Variants in CDH4 observed in about 807,000 individuals in gnomAD.
CDH4 encodes cadherin-4.
In CDH4, 33 loss-of-function variants were observed where a neutral mutation model predicts 86.0. The observed-to-expected ratio is 0.38, with a 90% CI of 0.29 to 0.51. CDH4 has a LOEUF of 0.51. Among genes scored for constraint, CDH4 ranks in the 20% least tolerant of loss-of-function variants. CDH4 has a pLI of 0.86. For missense variants in CDH4, 1,114 were observed against 1,307.4 expected (o/e 0.85, Z 2.28); for synonymous variants, 555 against 549.4 (o/e 1.01, Z -0.14).
chr20:61,707,518 T>C (rs1464587956), intron 2 of CDH4, among the ~76,000 whole-genome samples: 1 of 152,208 alleles, frequency 6.6e-6, no homozygotes, highest in Non-Finnish European at 1.5e-5. Context: ...AATCCTTACC[T>C]GCCTAGAGCT....
intron 3 of CDH4, among the ~76,000 whole-genome samples, chr20:61,763,474 G>A (rs1600961408): frequency 6.6e-6 from 1 of 152,344 alleles, no homozygotes; most frequent in East Asian, 1.9e-4. Flanking sequence ...TGCGGAGCCG[G>A]TGCTCAGTTC....
chr20:61,364,166 C>T (rs1291367758), intron 2 of CDH4, among the ~76,000 whole-genome samples: 3 of 152,226 alleles, frequency 2.0e-5, no homozygotes, highest in Non-Finnish European at 4.4e-5. Flanking sequence ...GCTCTCTCTA[C>T]CCCAGCTCAG....
At chr20:61,660,891 C>G (rs1308612723) in intron 2 of CDH4, among the ~76,000 whole-genome samples, 1 of 152,062 alleles carries the variant, frequency 6.6e-6, no homozygotes, top group Non-Finnish European at 1.5e-5. Flanking sequence ...CCTGGGCAGC[C>G]TTACCGGGAC....
rs184546707 is a variant in CDH4, at chr20:61,856,724, A to C, written c.877+3826A>C. ...CATGAAATCCCCTGGGGCACTACTG[A>C]CCTGCCCTGCTGGGCTCAGAGGGTG... On this transcript the variant is annotated intron_variant, in intron 6 of 15. Transcript: ENST00000614565. Among the ~76,000 whole-genome samples the C allele has an allele frequency of 1.9e-3, 284 of 152,288 alleles. 1 individual carries two copies. Among genetic ancestry groups the C allele is most frequent in the African/African-American group, 6.6e-3 (275 of 41,542 alleles).
chr20:61,675,156 G>A (rs2145850313), intron 2 of CDH4, among the ~76,000 whole-genome samples: 1 of 152,354 alleles, frequency 6.6e-6, no homozygotes, highest in African/African-American at 2.4e-5. Flanking sequence ...CCCTGCAGCT[G>A]GTAGATGTGG....
At chr20:61,744,250 G>C (rs1171307370) in intron 3 of CDH4, among the ~76,000 whole-genome samples, 1 of 152,066 alleles carries the variant, frequency 6.6e-6, no homozygotes, top group African/African-American at 2.4e-5. Flanking sequence ...GAGAATAACA[G>C]AGAGGAAGGC....
intron 2 of CDH4, among the ~76,000 whole-genome samples, chr20:61,691,364 T>C (rs2087651955): frequency 6.6e-6 from 1 of 152,032 alleles, no homozygotes; most frequent in South Asian, 2.1e-4. Context: ...TGTGTGTGCA[T>C]GTGCATATGT....
intron 6 of CDH4, among the ~76,000 whole-genome samples, chr20:61,857,712 A>T (rs1983082917): frequency 6.6e-6 from 1 of 152,270 alleles, no homozygotes. Flanking sequence ...GTAGAGTCAC[A>T]TGCAGTTGTA....
Position 61,611,748 on chromosome 20 carries a change from C to T in CDH4, c.170-131815C>T, listed in dbSNP as rs574213005. ...AGCCGCTTGGGGGACAGGGCTGTTT[C>T]CAGGCTTGAACCGGGAAGCAAGCTC... On this transcript the variant is annotated intron_variant, in intron 2 of 15. Transcript: ENST00000614565. Among the ~76,000 whole-genome samples the T allele has an allele frequency of 3.3e-5, 5 of 152,254 alleles. No homozygotes were observed. The South Asian group carries it at 1.0e-3, about 32-fold the overall frequency.
chr20:61,877,353 G>A (rs1600730011), intron 7 of CDH4, among the ~76,000 whole-genome samples: 1 of 151,350 alleles, frequency 6.6e-6, no homozygotes, highest in East Asian at 2.0e-4. Context: ...GACACAGAGC[G>A]GTACCCACCC....
At chr20:61,706,675 G>T (rs73915362) in intron 2 of CDH4, among the ~76,000 whole-genome samples, 2 of 152,094 alleles carry the variant, frequency 1.3e-5, no homozygotes, top group Non-Finnish European at 2.9e-5. Flanking sequence ...CAGTGGCACC[G>T]ACTCCCTGAT....
At chr20:61,380,104 T>C (rs1188923083) in intron 2 of CDH4, among the ~76,000 whole-genome samples, 1 of 152,232 alleles carries the variant, frequency 6.6e-6, no homozygotes, top group East Asian at 1.9e-4. Flanking sequence ...GCATAATTTA[T>C]GCTCAGTGAC....
intron 2 of CDH4, among the ~76,000 whole-genome samples, chr20:61,355,768 C>T (rs2084745993): frequency 6.6e-6 from 1 of 152,220 alleles, no homozygotes; most frequent in South Asian, 2.1e-4. Flanking sequence ...TGTCTCTGCT[C>T]ATACATGCAC....
intron 2 of CDH4, among the ~76,000 whole-genome samples, chr20:61,589,729 G>A (rs747556181): frequency 1.6e-4 from 24 of 151,628 alleles, no homozygotes; most frequent in African/African-American, 4.9e-5. Context: ...TTAGCATTAG[G>A]TATATCTCCT....
chr20:61,446,083 A>C (rs1028678779), intron 2 of CDH4, among the ~76,000 whole-genome samples: 4 of 152,254 alleles, frequency 2.6e-5, no homozygotes, highest in Admixed American at 6.5e-5. Flanking sequence ...AAGAAAGACC[A>C]TGAAAAATGA....
At position 61,282,856 on chromosome 20, in the gene CDH4, G is replaced by A. The variant is rs193241800; in HGVS notation, c.169+27919G>A. On this transcript the variant is annotated intron_variant, in intron 2 of 15. Coordinates refer to ENST00000614565, the MANE Select transcript of CDH4 (RefSeq NM_001794.5). ...GCGTGTGATGCATGTGCATTTGCAC[G>A]CATGTGCTGTGGTGTGTGTGATGTA... 2.1e-3 allele frequency among the ~76,000 whole-genome samples: 322 copies of A among 151,302 alleles called. 1 individual carries two copies. Among genetic ancestry groups the A allele is most frequent in the African/African-American group, 7.5e-3 (304 of 40,608 alleles).
chr20:61,680,549 G>A (rs543225658), intron 2 of CDH4, among the ~76,000 whole-genome samples: 43 of 152,164 alleles, frequency 2.8e-4, no homozygotes, highest in Non-Finnish European at 7.3e-5. Context: ...GGAAGGAAGG[G>A]CAGAAATGAG....
intron 3 of CDH4, among the ~76,000 whole-genome samples, chr20:61,747,409 G>A (rs527510633): frequency 4.3e-4 from 60 of 141,016 alleles, no homozygotes; most frequent in African/African-American, 1.3e-3. Flanking sequence ...GTGAGCCACC[G>A]CACTCCAGCC....
At chr20:61,472,937 C>G (rs1600700737) in intron 2 of CDH4, among the ~76,000 whole-genome samples, 1 of 152,120 alleles carries the variant, frequency 6.6e-6, no homozygotes, top group Non-Finnish European at 1.5e-5. Flanking sequence ...TTACCTAATG[C>G]TCTTTCAATT....
Sources: gnomAD v4.1 joint callset for allele counts (sites outside exome capture counted in the v4.1 genomes callset) on GRCh38, gnomAD v4.1.1 for gene constraint, MANE v1.5 for transcripts, NCBI Gene and HGNC (gene_info 2026-07-23, HGNC 2026-07-21) for gene names.